Variants in OSTN observed in about 807,000 individuals in gnomAD.
The protein encoded by OSTN is osteocrin.
A neutral mutation model predicts 12.0 loss-of-function variants in OSTN; 9 were observed. The ratio of observed to expected loss-of-function variants is 0.75; its 90% CI spans 0.45 to 1.30. The LOEUF is 1.30. Among genes scored for constraint, OSTN ranks in the 50% most tolerant of loss-of-function variants. OSTN has a pLI of 0.00. For missense variants in OSTN, 148 were observed against 152.3 expected (o/e 0.97, Z 0.15); for synonymous variants, 59 against 56.9 (o/e 1.04, Z -0.16).
At chr3:191,216,012 G>T (rs1324009756) in intron 2 of OSTN, among the ~76,000 whole-genome samples, 1 of 152,174 alleles carries the variant, frequency 6.6e-6, no homozygotes, top group Non-Finnish European at 1.5e-5. Context: ...CTCCATGAGG[G>T]CTCCACCCCT....
At chr3:191,260,427 T>A (rs1354744610) in intron 4 of OSTN, among the ~76,000 whole-genome samples, 1 of 151,612 alleles carries the variant, frequency 6.6e-6, no homozygotes, top group Non-Finnish European at 1.5e-5. Flanking sequence ...AGCAAAAGAC[T>A]CTTGTTGCCA....
chr3:191,203,237 C>T (rs1319465423), intron 1 of OSTN, among the ~76,000 whole-genome samples: 1 of 152,226 alleles, frequency 6.6e-6, no homozygotes. Flanking sequence ...TCATTCAACA[C>T]ACACATTTGA....
At chr3:191,202,584 A>G (rs528767850) in intron 1 of OSTN, among the ~76,000 whole-genome samples, 12 of 152,190 alleles carry the variant, frequency 7.9e-5, no homozygotes, top group African/African-American at 2.9e-4. Flanking sequence ...ATGATGTAAG[A>G]TTTTGATCAA....
chr3:191,228,929 G>A (rs967971408), intron 3 of OSTN: 2 of 152,138 alleles, frequency 1.3e-5, no homozygotes, highest in Admixed American at 6.5e-5. Context: ...GTCATTAACT[G>A]TTGTTAGCAT....
At position 191,203,228 on chromosome 3, in the gene OSTN, C is replaced by T. The variant is rs147358097; in HGVS notation, c.-1+3921C>T. Among the ~76,000 whole-genome samples the T allele has an allele frequency of 4.2e-3, 633 of 152,326 alleles. 7 individuals carry two copies. Among genetic ancestry groups the T allele is most frequent in the African/African-American group, 0.014 (595 of 41,572 alleles). On this transcript the variant is annotated intron_variant, in intron 1 of 4. Transcript: ENST00000682035. ...TCCACATAAGGCTGCTCCATGCATT[C>T]ATTCAACACACACATTTGACCCTGT... is the stretch of plus-strand genomic sequence containing the variant.
intron 1 of OSTN, among the ~76,000 whole-genome samples, chr3:191,201,719 T>A (rs146141317): frequency 6.6e-6 from 1 of 152,312 alleles, no homozygotes; most frequent in East Asian, 1.9e-4. Flanking sequence ...ATTATTTTTC[T>A]TACTATATTT....
intron 1 of OSTN, among the ~76,000 whole-genome samples, chr3:191,206,820 C>A (rs895102720): frequency 5.3e-5 from 8 of 152,182 alleles, no homozygotes; most frequent in African/African-American, 1.9e-4. Flanking sequence ...CCCTTTTAGG[C>A]CTTTTTCTAA....
intron 1 of OSTN, among the ~76,000 whole-genome samples, chr3:191,203,864 G>T (rs1185622868): frequency 6.6e-6 from 1 of 152,062 alleles, no homozygotes; most frequent in Admixed American, 6.6e-5. Flanking sequence ...GAAATGGGAA[G>T]AACACATTCC....
intron 4 of OSTN, among the ~76,000 whole-genome samples, chr3:191,252,364 C>T (rs535854291): frequency 6.6e-6 from 1 of 152,284 alleles, no homozygotes; most frequent in African/African-American, 2.4e-5. Flanking sequence ...TGGGCTCAGC[C>T]TTGAATTTTT....
At chr3:191,230,436 C>T (rs190752081) in intron 3 of OSTN, among the ~76,000 whole-genome samples, 4 of 151,594 alleles carry the variant, frequency 2.6e-5, no homozygotes, top group South Asian at 2.1e-4. Context: ...TGGTGGTGGG[C>T]GCCTGTAGCC....
At chr3:191,257,454 A>C (rs776502968) in intron 4 of OSTN, among the ~76,000 whole-genome samples, 25 of 152,130 alleles carry the variant, frequency 1.6e-4, no homozygotes, top group Non-Finnish European at 3.4e-4. Flanking sequence ...CTAATTTCTC[A>C]CAGCATCTCC....
intron 2 of OSTN, among the ~76,000 whole-genome samples, chr3:191,215,012 A>G (rs1714571310): frequency 6.6e-6 from 1 of 152,212 alleles, no homozygotes. Flanking sequence ...ACTTTGTCTC[A>G]AAACAACACA....
intron 2 of OSTN, among the ~76,000 whole-genome samples, 167 bp from the exon 3 acceptor site, chr3:191,218,580 G>A (rs141168966): frequency 1.0e-3 from 155 of 152,288 alleles, no homozygotes; most frequent in African/African-American, 3.4e-3. Context: ...CCGAGATCAC[G>A]CCATTGCACC....
intron 3 of OSTN, among the ~76,000 whole-genome samples, chr3:191,239,066 T>C (rs77487185): frequency 0.048 from 7,347 of 152,282 alleles, 255 homozygotes; most frequent in Non-Finnish European, 0.063. Context: ...AACTCTATAT[T>C]ACTGGTGAGG....
chr3:191,256,864 A>G (rs1715682402), intron 4 of OSTN, among the ~76,000 whole-genome samples: 1 of 151,986 alleles, frequency 6.6e-6, no homozygotes, highest in Non-Finnish European at 1.5e-5. Flanking sequence ...AAACCTCTAA[A>G]CTAGACAAAA....
rs545827910 is a variant in OSTN at position 191,221,628 on chromosome 3, T to C, written c.317+2667T>C. Among the ~76,000 whole-genome samples the C allele has an allele frequency of 5.9e-5, 9 of 152,142 alleles. 1 individual carries two copies. The South Asian group carries it at 1.9e-3, about 32-fold the overall frequency. ...CTTGAGAGAGATGATTTAGGGTATC[T>C]AGTGGAAGAAATTTCTAAATGGCAA... On this transcript the variant is annotated intron_variant, in intron 3 of 4. Transcript: ENST00000682035.
At chr3:191,199,650 A>G (rs1343078084) in intron 1 of OSTN, among the ~76,000 whole-genome samples, 4 of 152,080 alleles carry the variant, frequency 2.6e-5, no homozygotes, top group Non-Finnish European at 5.9e-5. Context: ...AATGTTTAAT[A>G]TAAAAGAGTG....
intron 2 of OSTN, among the ~76,000 whole-genome samples, chr3:191,216,066 T>A (rs530641427): frequency 1.3e-4 from 20 of 152,328 alleles, no homozygotes; most frequent in African/African-American, 4.3e-4. Context: ...CCATACATCC[T>A]CTGAAATCAA....
intron 4 of OSTN, among the ~76,000 whole-genome samples, chr3:191,256,538 T>C (rs1053086491): frequency 4.6e-5 from 7 of 151,216 alleles, no homozygotes; most frequent in Admixed American, 6.6e-5. Flanking sequence ...TCAAAAAGCA[T>C]AGAGAGAAGA....
Sources: allele counts gnomAD v4.1 joint callset (sites outside exome capture counted in the v4.1 genomes callset), GRCh38; gene constraint gnomAD v4.1.1; transcripts MANE v1.5; gene names NCBI Gene and HGNC (gene_info 2026-07-23, HGNC 2026-07-21).